Variants in ZNF385D observed in about 807,000 individuals in gnomAD.
ZNF385D encodes zinc finger protein 385D, also known as zinc finger protein 659.
In ZNF385D, 15 loss-of-function variants were observed where a neutral mutation model predicts 35.8. The observed-to-expected ratio is 0.42, with a 90% CI of 0.28 to 0.64. The LOEUF (loss-of-function observed/expected upper bound fraction) is 0.64, where lower values mean the gene tolerates loss of function less well. Ranked by LOEUF, ZNF385D falls within the 30% of genes least tolerant of loss-of-function variation. ZNF385D has a pLI of 0.23. For missense variants in ZNF385D, 474 were observed against 494.6 expected (o/e 0.96, Z 0.39); for synonymous variants, 212 against 186.8 (o/e 1.13, Z -1.10).
intron 2 of ZNF385D, among the ~76,000 whole-genome samples, chr3:22,207,240 C>A (rs891688040): frequency 6.6e-6 from 1 of 151,838 alleles, no homozygotes; most frequent in Non-Finnish European, 1.5e-5. Context: ...ACACACAGAC[C>A]AATGGAACAG....
intron 3 of ZNF385D, among the ~76,000 whole-genome samples, chr3:22,089,744 T>C (rs1040372746): frequency 6.6e-6 from 1 of 152,228 alleles, no homozygotes; most frequent in South Asian, 2.1e-4. Context: ...GTAATAGTTG[T>C]TTCCTGTATA....
chr3:21,809,317 T>C (rs1443899206), intron 3 of ZNF385D, among the ~76,000 whole-genome samples: 1 of 152,030 alleles, frequency 6.6e-6, no homozygotes, highest in Non-Finnish European at 1.5e-5. Flanking sequence ...GGTAAATACC[T>C]AGGTAAATAT....
chr3:21,656,269 G>A (rs2066069088), intron 2 of ZNF385D, among the ~76,000 whole-genome samples: 2 of 151,936 alleles, frequency 1.3e-5, no homozygotes, highest in Non-Finnish European at 2.9e-5. Flanking sequence ...CCTATTAAGG[G>A]TTGTCATAAT....
At chr3:21,496,239 A>T (rs962092689) in intron 4 of ZNF385D, among the ~76,000 whole-genome samples, 1 of 148,436 alleles carries the variant, frequency 6.7e-6, no homozygotes, top group Non-Finnish European at 1.5e-5. Context: ...TGGCAGAGAT[A>T]AAAAGTAAAT....
At chr3:21,928,955 G>A (rs1055190663) in intron 3 of ZNF385D, among the ~76,000 whole-genome samples, 1 of 152,014 alleles carries the variant, frequency 6.6e-6, no homozygotes, top group South Asian at 2.1e-4. Context: ...GAGAAGGTGA[G>A]AACATTTAAC....
At chr3:21,932,464 A>G (rs1053053954) in intron 3 of ZNF385D, among the ~76,000 whole-genome samples, 1 of 151,850 alleles carries the variant, frequency 6.6e-6, no homozygotes, top group African/African-American at 2.4e-5. Flanking sequence ...GCTATCTACC[A>G]TAGGTACTGT....
At position 21,781,278 on chromosome 3, in the gene ZNF385D, TAGTC is replaced by T. The variant is rs574503633; in HGVS notation, c.326-116254_326-116251del. On this transcript the variant is annotated intron_variant, in intron 3 of 5. Transcript: ENST00000494108. ...AAAAATAATATTTTCAGAGGATACATAGTCAGGAAGAGTAAGCGGTAGCAATCTA... is the reference window on the plus strand; with the variant it reads ...AAAAATAATATTTTCAGAGGATACATAGGAAGAGTAAGCGGTAGCAATCTA... Among the ~76,000 whole-genome samples the T allele has an allele frequency of 1.2e-3, 181 of 152,192 alleles. 1 individual carries two copies. Among genetic ancestry groups the T allele is most frequent in the African/African-American group, 4.2e-3 (173 of 41,556 alleles).
intron 2 of ZNF385D, among the ~76,000 whole-genome samples, chr3:22,270,127 A>C (rs1701098335): frequency 1.3e-5 from 2 of 151,812 alleles, no homozygotes; most frequent in Admixed American, 1.3e-4. Flanking sequence ...GAGAACATTT[A>C]ATTCTTATTT....
chr3:22,261,818 C>A (rs138589663), intron 2 of ZNF385D, among the ~76,000 whole-genome samples: 5 of 152,048 alleles, frequency 3.3e-5, no homozygotes, highest in Non-Finnish European at 7.4e-5. Flanking sequence ...TTTCTGAAAC[C>A]CATACCTCTA....
chr3:21,810,297 G>C (rs571383656), intron 3 of ZNF385D, among the ~76,000 whole-genome samples: 1 of 148,500 alleles, frequency 6.7e-6, no homozygotes, highest in East Asian at 2.1e-4. Flanking sequence ...ATATAGAAAA[G>C]CACTTACCAT....
At chr3:21,580,510 A>T (rs1225623931) in intron 2 of ZNF385D, among the ~76,000 whole-genome samples, 2 of 152,164 alleles carry the variant, frequency 1.3e-5, no homozygotes, top group African/African-American at 4.8e-5. Context: ...TATGAAAGAC[A>T]TAAATTGTGG....
chr3:21,784,365 T>A (rs973171174), intron 3 of ZNF385D, among the ~76,000 whole-genome samples: 2 of 152,098 alleles, frequency 1.3e-5, no homozygotes, highest in African/African-American at 2.4e-5. Context: ...TTAACCATCT[T>A]TTTTTTGGCA....
At chr3:22,364,810 C>T (rs558216735) in intron 2 of ZNF385D, among the ~76,000 whole-genome samples, 3 of 152,042 alleles carry the variant, frequency 2.0e-5, no homozygotes, top group South Asian at 4.1e-4. Flanking sequence ...AACATTAAAC[C>T]GAAGCAGCCT....
At chr3:22,065,702 G>A (rs924091474) in intron 3 of ZNF385D, among the ~76,000 whole-genome samples, 1 of 152,000 alleles carries the variant, frequency 6.6e-6, no homozygotes, top group African/African-American at 2.4e-5. Flanking sequence ...GTGCTGTGGG[G>A]GAATGGTATT....
chr3:21,723,455 T>G (rs1454434157), intron 1 of ZNF385D, among the ~76,000 whole-genome samples: 2 of 152,018 alleles, frequency 1.3e-5, no homozygotes, highest in Non-Finnish European at 2.9e-5. Context: ...GAGAAGAACA[T>G]AAATGACCTG....
chr3:21,849,637 T>A (rs1696253632), intron 3 of ZNF385D: 1 of 60,476 alleles, frequency 1.7e-5, no homozygotes, highest in Non-Finnish European at 3.3e-5. Flanking sequence ...TCTACCACCA[T>A]CGCTCTACAC....
chr3:22,285,817 C>T (rs73039207), intron 2 of ZNF385D, among the ~76,000 whole-genome samples: 2,783 of 152,240 alleles, frequency 0.018, 39 homozygotes, highest in Non-Finnish European at 0.029. Flanking sequence ...TTTGTTCCCA[C>T]TCAACTGACA....
At chr3:22,030,287 A>ATATGTATG (rs1697898143) in intron 3 of ZNF385D, among the ~76,000 whole-genome samples, 2 of 97,418 alleles carry the variant, frequency 2.1e-5, no homozygotes, top group African/African-American at 9.3e-5. Context: ...ATATATATAT[A>ATATGTATG]TATATATATA....
At chr3:22,191,318 T>C (rs1696011386) in intron 2 of ZNF385D, among the ~76,000 whole-genome samples, 1 of 151,890 alleles carries the variant, frequency 6.6e-6, no homozygotes. Flanking sequence ...AGAAACCCCG[T>C]CTCTACTGAA....
Sources: gnomAD v4.1 joint callset for allele counts (sites outside exome capture counted in the v4.1 genomes callset) on GRCh38, gnomAD v4.1.1 for gene constraint, MANE v1.5 for transcripts, NCBI Gene and HGNC (gene_info 2026-07-23, HGNC 2026-07-21) for gene names.